Variants in MEIS2 observed in about 807,000 individuals in gnomAD.
MEIS2 encodes homeobox protein Meis2.
A neutral mutation model predicts 58.6 loss-of-function variants in MEIS2; 9 were observed. The ratio of observed to expected loss-of-function variants is 0.15; its 90% CI spans 0.09 to 0.27. MEIS2 has a LOEUF of 0.27. MEIS2 is among the 10% of genes least tolerant of loss of function. MEIS2 has a pLI of 1.00. For synonymous variants in MEIS2, 221 were observed against 228.4 expected, an observed-to-expected ratio of 0.97 and a Z score of 0.29; for missense variants, 427 against 635.0, an observed-to-expected ratio of 0.67 and a Z score of 3.52.
intron 6 of MEIS2, among the ~76,000 whole-genome samples, chr15:37,091,645 A>G (rs1452901903): frequency 6.6e-6 from 1 of 152,198 alleles, no homozygotes; most frequent in Admixed American, 6.5e-5. Context: ...GGATATTTAA[A>G]TATTACAATA....
At chr15:36,914,457 T>A (rs2057180841) in intron 9 of MEIS2, among the ~76,000 whole-genome samples, 2 of 152,220 alleles carry the variant, frequency 1.3e-5, no homozygotes, top group South Asian at 4.1e-4. Context: ...AGTTGGGTAG[T>A]TTTTGCATTT....
chr15:37,036,963 G>T lies in MEIS2; in HGVS notation c.755-4C>A, dbSNP rs2062181278. The T allele has an allele frequency of 1.9e-6, 3 of 1,595,972 alleles. No homozygotes were observed. The highest frequency in any genetic ancestry group is 2.7e-5 in the African/African-American group (2 of 73,662). ...ACACTGTTGTCTAAACCATCCCCTA[G>T]TAGAAAGAAATAAAAATACATTAGA... On this transcript the variant is annotated splice_polypyrimidine_tract_variant and splice_region_variant and intron_variant, in intron 7 of 11. Transcript: ENST00000561208.
chr15:36,991,254 T>C (rs1204701499), intron 8 of MEIS2, among the ~76,000 whole-genome samples: 1 of 42,044 alleles, frequency 2.4e-5, no homozygotes, highest in Admixed American at 1.2e-4. Flanking sequence ...GATTTTTCTC[T>C]CTTTTTTTTT....
intron 9 of MEIS2, among the ~76,000 whole-genome samples, chr15:36,932,254 G>A (rs1490122411): frequency 6.6e-6 from 1 of 152,236 alleles, no homozygotes; most frequent in East Asian, 1.9e-4. Flanking sequence ...AAGAGATGCC[G>A]AGTTGCATGA....
intron 9 of MEIS2, among the ~76,000 whole-genome samples, chr15:36,913,650 T>G (rs901111951): frequency 1.3e-5 from 2 of 152,140 alleles, no homozygotes; most frequent in Non-Finnish European, 2.9e-5. Flanking sequence ...GCACATACAT[T>G]GAATTTACAC....
chr15:36,981,020 C>T (rs2059912885), intron 8 of MEIS2, among the ~76,000 whole-genome samples: 3 of 152,094 alleles, frequency 2.0e-5, no homozygotes, highest in Non-Finnish European at 4.4e-5. Context: ...TGTCAGGCTT[C>T]TCCTCAAAAT....
At chr15:36,997,578 C>A (rs1402060541) in intron 8 of MEIS2, among the ~76,000 whole-genome samples, 1 of 150,746 alleles carries the variant, frequency 6.6e-6, no homozygotes, top group Non-Finnish European at 1.5e-5. Flanking sequence ...GCTCCATCTT[C>A]TGGGTTCACG....
intron 1 of MEIS2, chr15:37,099,180 C>T (rs1395450512): frequency 1.4e-6 from 2 of 1,394,644 alleles, no homozygotes; most frequent in Non-Finnish European, 1.9e-6. Flanking sequence ...CACGCACACA[C>T]ACACACCACT....
chr15:37,097,555 G>GA (rs1894431966), intron 2 of MEIS2, among the ~76,000 whole-genome samples: 1 of 151,704 alleles, frequency 6.6e-6, no homozygotes, highest in Non-Finnish European at 1.5e-5. Context: ...GGAAACAGAA[G>GA]AAAAAAAAGT....
intron 9 of MEIS2, among the ~76,000 whole-genome samples, chr15:36,948,683 C>A (rs1450778224): frequency 6.6e-6 from 1 of 151,938 alleles, no homozygotes; most frequent in African/African-American, 2.4e-5. Flanking sequence ...GCAGAGCAAA[C>A]AAGTCTCCTG....
chr15:36,948,404 T>C (rs1312073887), intron 9 of MEIS2, among the ~76,000 whole-genome samples: 1 of 152,006 alleles, frequency 6.6e-6, no homozygotes, highest in East Asian at 1.9e-4. Context: ...TTGTAGATTC[T>C]AAAAATTCTT....
At chr15:36,893,966 C>T (rs1555418059) in intron 11 of MEIS2, among the ~76,000 whole-genome samples, 1 of 152,158 alleles carries the variant, frequency 6.6e-6, no homozygotes, top group Non-Finnish European at 1.5e-5. Context: ...ATCTTGTTGG[C>T]AGACTCTGAA....
chr15:36,970,515 CAG>C (rs1363321791), intron 8 of MEIS2, among the ~76,000 whole-genome samples: 1 of 152,056 alleles, frequency 6.6e-6, no homozygotes, highest in Non-Finnish European at 1.5e-5. Context: ...TACAAGAAAT[CAG>C]AGAGTGCCCA....
chr15:37,002,401 T>C (rs2060763759), intron 8 of MEIS2, among the ~76,000 whole-genome samples: 1 of 152,164 alleles, frequency 6.6e-6, no homozygotes, highest in South Asian at 2.1e-4. Flanking sequence ...AGTTTTCTTT[T>C]GACACTTTTC....
At chr15:37,078,028 C>T (rs1019657314) in intron 7 of MEIS2, among the ~76,000 whole-genome samples, 14 of 152,104 alleles carry the variant, frequency 9.2e-5, no homozygotes, top group African/African-American at 3.1e-4. Flanking sequence ...AGAATCCTCA[C>T]TTGGCATGAA....
At chr15:36,995,971 A>AG in intron 8 of MEIS2, among the ~76,000 whole-genome samples, 2 of 7,320 alleles carry the variant, frequency 2.7e-4, no homozygotes, top group Non-Finnish European at 1.1e-3. Context: ...ATATATATAT[A>AG]TATATATATA....
At chr15:36,952,055 T>G (rs2058768325) in intron 8 of MEIS2, among the ~76,000 whole-genome samples, 1 of 152,138 alleles carries the variant, frequency 6.6e-6, no homozygotes, top group African/African-American at 2.4e-5. Context: ...TCTGCCACCA[T>G]GACAAATACT....
chr15:36,936,001 T>C (rs1004264561), intron 9 of MEIS2, among the ~76,000 whole-genome samples: 4 of 152,056 alleles, frequency 2.6e-5, no homozygotes, highest in African/African-American at 9.7e-5. Context: ...TGAACAGTTT[T>C]TGCTGCTCAG....
chr15:36,992,902 T>C (rs2060348169), intron 8 of MEIS2, among the ~76,000 whole-genome samples: 1 of 152,196 alleles, frequency 6.6e-6, no homozygotes, highest in African/African-American at 2.4e-5. Flanking sequence ...TCATATTACC[T>C]AACTTTGGAT....
Sources: allele counts gnomAD v4.1 joint callset (sites outside exome capture counted in the v4.1 genomes callset), GRCh38; gene constraint gnomAD v4.1.1; transcripts MANE v1.5; gene names NCBI Gene and HGNC (gene_info 2026-07-23, HGNC 2026-07-21).